ZC3H12C: variants seen among roughly 807,000 people sequenced by gnomAD.
The protein encoded by ZC3H12C is probable ribonuclease ZC3H12C.
ZC3H12C carries 20 observed loss-of-function variants against 76.3 expected under a neutral mutation model. That is an observed-to-expected ratio of 0.26 (90% CI 0.18 to 0.38). ZC3H12C has a LOEUF of 0.38. ZC3H12C is among the 10% of genes least tolerant of loss of function. The pLI is 1.00. For synonymous variants in ZC3H12C, 352 were observed against 399.6 expected (o/e 0.88, Z 1.42); for missense variants, 874 against 1,086.5 (o/e 0.80, Z 2.75).
chr11:110,104,661 C>G (rs1446023553), intron 1 of ZC3H12C, among the ~76,000 whole-genome samples: 1 of 152,206 alleles, frequency 6.6e-6, no homozygotes, highest in Non-Finnish European at 1.5e-5. Context: ...AATCCCAGCT[C>G]TGCCATTTAC....
At position 110,125,631 on chromosome 11, in the gene ZC3H12C, T is replaced by C. The variant is rs113022154; in HGVS notation, c.22-11032T>C. On this transcript the variant is annotated intron_variant, in intron 1 of 5. Coordinates refer to ENST00000278590, the MANE Select transcript of ZC3H12C (RefSeq NM_033390.2). ...CCATGGCCAGCCTCTCTAATGTGTT[T>C]AATGTCCTTCTGTACTGGGTGTCTG... Among the ~76,000 whole-genome samples the C allele has an allele frequency of 7.9e-3, 1,196 of 152,288 alleles. 13 individuals carry two copies. The highest frequency in any genetic ancestry group is 0.012 in the Non-Finnish European group (821 of 68,008).
intron 1 of ZC3H12C, among the ~76,000 whole-genome samples, chr11:110,108,494 T>G (rs964470492): frequency 6.6e-6 from 1 of 152,228 alleles, no homozygotes; most frequent in Admixed American, 6.5e-5. Flanking sequence ...AAGTCCTAAT[T>G]TAGCATGTAA....
chr11:110,127,307 CT>C (rs1015421715), intron 1 of ZC3H12C, among the ~76,000 whole-genome samples: 5 of 152,190 alleles, frequency 3.3e-5, no homozygotes, highest in African/African-American at 7.2e-5. Context: ...GTCTTTAACA[CT>C]TTTCAAATAG....
intron 1 of ZC3H12C, chr11:110,135,927 G>GCATAATTA (rs1861951002): frequency 6.6e-6 from 1 of 152,130 alleles, no homozygotes; most frequent in Admixed American, 6.5e-5. Context: ...ACTTAATAAG[G>GCATAATTA]ATAGCATAAT....
intron 3 of ZC3H12C, among the ~76,000 whole-genome samples, chr11:110,157,496 G>A (rs549868707): frequency 8.0e-5 from 12 of 149,088 alleles, no homozygotes; most frequent in Non-Finnish European, 1.6e-4. Flanking sequence ...GAGCAGTGGC[G>A]TGATCTCGGC....
intron 1 of ZC3H12C, among the ~76,000 whole-genome samples, chr11:110,115,723 C>A (rs969558392): frequency 6.7e-6 from 1 of 149,938 alleles, no homozygotes; most frequent in Non-Finnish European, 1.5e-5. Flanking sequence ...GCATGAGCTA[C>A]TACACTTAAC....
Position 110,131,106 on chromosome 11 carries a change from C to T in ZC3H12C, c.22-5557C>T, listed in dbSNP as rs185564280. On this transcript the variant is annotated intron_variant, in intron 1 of 5. Coordinates refer to ENST00000278590, the MANE Select transcript of ZC3H12C (RefSeq NM_033390.2). Reference sequence around the variant, plus strand: ...CAATGTCTTTGTATTTTCCTGCTAACGTGAGTATTTGTGCTACTTTAATGC... The same window carrying T: ...CAATGTCTTTGTATTTTCCTGCTAATGTGAGTATTTGTGCTACTTTAATGC... 32 of 1,534,366 alleles carry T rather than the reference C, an allele frequency of 2.1e-5. No homozygotes were observed. The East Asian group carries it at 2.2e-4, about 11-fold the overall frequency.
intron 1 of ZC3H12C, among the ~76,000 whole-genome samples, chr11:110,132,618 T>C (rs1297511805): frequency 6.6e-6 from 1 of 152,178 alleles, no homozygotes; most frequent in Non-Finnish European, 1.5e-5. Flanking sequence ...TTCAAGAATA[T>C]AGTGTCTTTA....
At chr11:110,149,331 G>A (rs1480343170) in intron 2 of ZC3H12C, among the ~76,000 whole-genome samples, 1 of 152,166 alleles carries the variant, frequency 6.6e-6, no homozygotes, top group Non-Finnish European at 1.5e-5. Context: ...TTGCCCCCAA[G>A]TGCCATCTAA....
At chr11:110,121,639 C>G (rs1156972697) in intron 1 of ZC3H12C, among the ~76,000 whole-genome samples, 2 of 151,818 alleles carry the variant, frequency 1.3e-5, no homozygotes, top group Admixed American at 6.6e-5. Context: ...GCACACTTGT[C>G]TAAAATCAGT....
chr11:110,142,211 C>T (rs1487160195), intron 2 of ZC3H12C, among the ~76,000 whole-genome samples: 2 of 152,120 alleles, frequency 1.3e-5, no homozygotes, highest in Non-Finnish European at 2.9e-5. Context: ...TCCATTGCAC[C>T]TCTTTATAAT....
At chr11:110,152,545 T>C (rs1036486651) in intron 2 of ZC3H12C, among the ~76,000 whole-genome samples, 5 of 152,154 alleles carry the variant, frequency 3.3e-5, no homozygotes, top group African/African-American at 1.2e-4. Context: ...ATTTTTTTTT[T>C]TCTGTATGAG....
chr11:110,126,638 A>C (rs1275499786), intron 1 of ZC3H12C, among the ~76,000 whole-genome samples: 2 of 152,162 alleles, frequency 1.3e-5, no homozygotes, highest in Non-Finnish European at 2.9e-5. Flanking sequence ...TAATGAGATT[A>C]ATGTTAACAG....
chr11:110,152,174 G>A lies in ZC3H12C; in HGVS notation c.774-745G>A, dbSNP rs543975112. On this transcript the variant is annotated intron_variant, in intron 2 of 5. Coordinates refer to ENST00000278590, the MANE Select transcript of ZC3H12C (RefSeq NM_033390.2). ...GGTTAAAGTGTACAAGCAGAGCCTG[G>A]TGCTAGATAAACACTTACTGAATGA... Among the ~76,000 whole-genome samples the A allele has an allele frequency of 2.0e-5, 3 of 152,280 alleles. No individual in the cohort carries two copies. In the South Asian group the frequency reaches 6.2e-4, roughly 32 times the overall value.
intron 2 of ZC3H12C, among the ~76,000 whole-genome samples, chr11:110,137,945 A>C (rs575590200): frequency 1.3e-5 from 2 of 152,244 alleles, no homozygotes; most frequent in South Asian, 4.1e-4. Flanking sequence ...GGGAAAAAAA[A>C]GCAAAACTTT....
chr11:110,121,942 A>T (rs1333826483), intron 1 of ZC3H12C, among the ~76,000 whole-genome samples: 2 of 152,188 alleles, frequency 1.3e-5, no homozygotes, highest in Non-Finnish European at 2.9e-5. Context: ...GACTCTTAAT[A>T]AAAACAGACC....
intron 2 of ZC3H12C, among the ~76,000 whole-genome samples, chr11:110,142,063 C>T (rs1862075882): frequency 6.6e-6 from 1 of 152,130 alleles, no homozygotes; most frequent in Admixed American, 6.5e-5. Flanking sequence ...CTTCATTTGG[C>T]AGTGCCCCAT....
chr11:110,103,618 T>G (rs1861260226), intron 1 of ZC3H12C, among the ~76,000 whole-genome samples: 1 of 152,118 alleles, frequency 6.6e-6, no homozygotes, highest in Admixed American at 6.6e-5. Flanking sequence ...TTTTTGTTTT[T>G]TTTTTGAGAC....
intron 3 of ZC3H12C, among the ~76,000 whole-genome samples, chr11:110,157,060 T>C (rs1474768779): frequency 6.6e-6 from 1 of 151,750 alleles, no homozygotes; most frequent in African/African-American, 2.4e-5. Flanking sequence ...ACGCTTGTAG[T>C]CCCAGCTACT....
Sources: gnomAD v4.1 joint callset for allele counts (sites outside exome capture counted in the v4.1 genomes callset) on GRCh38, gnomAD v4.1.1 for gene constraint, MANE v1.5 for transcripts, NCBI Gene and HGNC (gene_info 2026-07-23, HGNC 2026-07-21) for gene names.